The following PTPRG variants were observed in gnomAD, a reference collection of about 807,000 sequenced individuals.
The protein encoded by PTPRG is protein tyrosine phosphatase receptor type G, also known as receptor-type tyrosine-protein phosphatase gamma.
In PTPRG, 102 loss-of-function variants were observed where a neutral mutation model predicts 165.3. The observed-to-expected ratio is 0.62, with a 90% CI of 0.53 to 0.73. The LOEUF (loss-of-function observed/expected upper bound fraction) is 0.73. Ranked by LOEUF, PTPRG falls within the 30% of genes least tolerant of loss-of-function variation. The pLI is 0.00. For missense variants in PTPRG, 1,866 were observed against 1,861.4 expected (o/e 1.00, Z -0.05); for synonymous variants, 675 against 669.5 (o/e 1.01, Z -0.13).
chr3:61,621,051 A>ATATATATATATATATATGTG, intron 1 of PTPRG, among the ~76,000 whole-genome samples: 1 of 117,948 alleles, frequency 8.5e-6, no homozygotes, highest in African/African-American at 3.0e-5. Context: ...ATATATATAT[A>ATATATATATATATATATGTG]TGTGTGTGTG....
At chr3:61,569,566 A>G (rs1291157347) in intron 1 of PTPRG, among the ~76,000 whole-genome samples, 2 of 152,158 alleles carry the variant, frequency 1.3e-5, no homozygotes, top group African/African-American at 4.8e-5. Context: ...TGATCCTCCT[A>G]CCTCAACTTC....
At chr3:61,638,889 C>A (rs899732508) in intron 1 of PTPRG, among the ~76,000 whole-genome samples, 4 of 152,000 alleles carry the variant, frequency 2.6e-5, no homozygotes, top group African/African-American at 9.7e-5. Context: ...TGATATTTTT[C>A]TTTTGCTGTG....
At chr3:62,081,235 C>T (rs533681579) in intron 5 of PTPRG, among the ~76,000 whole-genome samples, 81 of 145,254 alleles carry the variant, frequency 5.6e-4, no homozygotes, top group African/African-American at 2.0e-3. Context: ...CCAGCCTGGG[C>T]GACAGAGTGA....
chr3:61,750,898 T>A (rs763323904), intron 2 of PTPRG: 2 of 152,236 alleles, frequency 1.3e-5, no homozygotes, highest in Non-Finnish European at 2.9e-5. Context: ...TTATATAGTT[T>A]GTGAACCCTT....
At chr3:62,109,781 A>G (rs1275944436) in intron 5 of PTPRG, among the ~76,000 whole-genome samples, 1 of 152,204 alleles carries the variant, frequency 6.6e-6, no homozygotes, top group Non-Finnish European at 1.5e-5. Context: ...ACCCTCCAGC[A>G]GATGTCTTTC....
chr3:62,265,896 TACAC>T (rs143246257), intron 17 of PTPRG, among the ~76,000 whole-genome samples: 99 of 130,606 alleles, frequency 7.6e-4, no homozygotes, highest in African/African-American at 2.3e-3. Context: ...GTGCCTTATA[TACAC>T]ACACACACAC....
At chr3:62,016,884 G>A (rs535559252) in intron 4 of PTPRG, among the ~76,000 whole-genome samples, 62 of 152,136 alleles carry the variant, frequency 4.1e-4, no homozygotes, top group Non-Finnish European at 5.1e-4. Context: ...TTCCTAAGCC[G>A]TCTTATCATT....
chr3:62,096,252 GA>G (rs1041270380), intron 5 of PTPRG, among the ~76,000 whole-genome samples: 3 of 152,172 alleles, frequency 2.0e-5, no homozygotes, highest in African/African-American at 7.2e-5. Flanking sequence ...GCATGCATTT[GA>G]ACCAACTTGG....
chr3:62,098,174 T>G (rs1201713019), intron 5 of PTPRG, among the ~76,000 whole-genome samples: 2 of 152,184 alleles, frequency 1.3e-5, no homozygotes, highest in Admixed American at 6.5e-5. Context: ...GATTTGATCT[T>G]TAAGACCAGT....
chr3:62,206,332 C>G (rs937981027), intron 12 of PTPRG, among the ~76,000 whole-genome samples: 3 of 152,266 alleles, frequency 2.0e-5, no homozygotes, highest in Admixed American at 6.5e-5. Flanking sequence ...CTGAGAGCAT[C>G]TACAATCTTG....
At chr3:61,931,200 G>C (rs1465422990) in intron 2 of PTPRG, among the ~76,000 whole-genome samples, 1 of 152,202 alleles carries the variant, frequency 6.6e-6, no homozygotes, top group African/African-American at 2.4e-5. Context: ...ACTTTGCTCT[G>C]TTCTGATTTG....
intron 2 of PTPRG, among the ~76,000 whole-genome samples, chr3:61,931,225 G>T (rs987614769): frequency 6.6e-6 from 1 of 152,204 alleles, no homozygotes; most frequent in African/African-American, 2.4e-5. Context: ...CTTGTTCTGT[G>T]CTACCTGTGC....
intron 1 of PTPRG, among the ~76,000 whole-genome samples, chr3:61,716,223 C>T (rs1442614500): frequency 6.6e-6 from 1 of 152,178 alleles, no homozygotes; most frequent in Non-Finnish European, 1.5e-5. Context: ...TTGAACTCTG[C>T]AGAAGTGTGT....
intron 12 of PTPRG, 66 bp downstream of exon 12, chr3:62,204,016 A>G (rs1471596856): frequency 6.7e-7 from 1 of 1,498,590 alleles, no homozygotes; most frequent in Non-Finnish European, 8.9e-7. Context: ...TTTTCAAAAA[A>G]TTGGGAGCAG....
In PTPRG at chr3:61,995,080, C is replaced by CTTTT. The variant is rs1233679653; in HGVS notation, c.370+5279_370+5280insTTTT. 2.0e-3 allele frequency among the ~76,000 whole-genome samples: 218 copies of CTTTT among 107,332 alleles called. 5 individuals are homozygous for CTTTT. The highest frequency in any genetic ancestry group is 7.6e-3 in the East Asian group (28 of 3,664). The allele number at this position is 107,332 out of a possible 152,430, so 70.4% of individuals were successfully genotyped here. ...TTCTTTTTTCTTTTTTCTTTTCTTT[C>CTTTT]TTTCTTTTTTTTTTTTTTTTTTTTT... On this transcript the variant is annotated intron_variant, in intron 3 of 29. Coordinates refer to ENST00000474889, the MANE Select transcript of PTPRG (RefSeq NM_002841.4).
At chr3:61,777,546 G>A (rs2034423991) in intron 2 of PTPRG, among the ~76,000 whole-genome samples, 1 of 152,158 alleles carries the variant, frequency 6.6e-6, no homozygotes, top group South Asian at 2.1e-4. Context: ...GAGATCAACA[G>A]GATCCTATCA....
At chr3:61,821,313 G>A (rs1369916309) in intron 2 of PTPRG, among the ~76,000 whole-genome samples, 4 of 152,062 alleles carry the variant, frequency 2.6e-5, no homozygotes, top group Non-Finnish European at 5.9e-5. Context: ...GGGACTACAG[G>A]CGCCTGCCAC....
At chr3:61,989,995 A>G (rs1367578701) in intron 3 of PTPRG, among the ~76,000 whole-genome samples, 191 bp downstream of exon 3, 2 of 152,022 alleles carry the variant, frequency 1.3e-5, no homozygotes, top group Admixed American at 6.6e-5. Context: ...CTGTGTCTTC[A>G]TTTTTTTAAA....
intron 5 of PTPRG, among the ~76,000 whole-genome samples, chr3:62,103,718 C>A (rs1289414666): frequency 6.6e-6 from 1 of 152,144 alleles, no homozygotes; most frequent in Non-Finnish European, 1.5e-5. Context: ...TTTGATGACA[C>A]CTGTCATCAG....
Sources: gnomAD v4.1 joint callset for allele counts (sites outside exome capture counted in the v4.1 genomes callset) on GRCh38, gnomAD v4.1.1 for gene constraint, MANE v1.5 for transcripts, NCBI Gene and HGNC (gene_info 2026-07-23, HGNC 2026-07-21) for gene names.